The following FLACC1 variants were observed in gnomAD, a reference collection of about 807,000 sequenced individuals.
FLACC1 encodes the protein flagellum-associated coiled-coil domain-containing protein 1.
In FLACC1, 66 loss-of-function variants were observed where a neutral mutation model predicts 62.8. The ratio of observed to expected loss-of-function variants is 1.05; its 90% confidence interval spans 0.86 to 1.29. The LOEUF (loss-of-function observed/expected upper bound fraction) is 1.29, where lower values mean the gene tolerates loss of function less well. FLACC1 is among the 50% of genes most tolerant of loss of function. The pLI, the probability that FLACC1 is intolerant of heterozygous loss-of-function variation, is 0.00. For missense variants in FLACC1, 452 were observed against 489.1 expected (o/e 0.92, Z 0.71); for synonymous variants, 156 against 161.0 (o/e 0.97, Z 0.24).
intron 9 of FLACC1, among the ~76,000 whole-genome samples, chr2:201,313,952 A>G (rs62189186): frequency 0.093 from 14,189 of 152,162 alleles, 1,019 homozygotes; most frequent in South Asian, 0.26. Flanking sequence ...TCTAGATCCT[A>G]AAAAGAGATA....
intron 1 of FLACC1, among the ~76,000 whole-genome samples, chr2:201,356,399 A>G (rs951160517): frequency 6.6e-6 from 1 of 152,170 alleles, no homozygotes; most frequent in Non-Finnish European, 1.5e-5. Context: ...ACTTCAGGTG[A>G]TCCACCCATC....
intron 12 of FLACC1, among the ~76,000 whole-genome samples, chr2:201,294,970 G>A (rs1949825673): frequency 6.6e-6 from 1 of 152,148 alleles, no homozygotes; most frequent in Non-Finnish European, 1.5e-5. Flanking sequence ...CACAAGGGAT[G>A]TGAAGGACCT....
chr2:201,338,991 A>G (rs1274093916), intron 7 of FLACC1, among the ~76,000 whole-genome samples: 1 of 151,544 alleles, frequency 6.6e-6, no homozygotes, highest in East Asian at 1.9e-4. Flanking sequence ...GAGGATTACT[A>G]TTAGTTCTCC....
Position 201,288,619 on chromosome 2 carries a change from G to A in FLACC1, c.*36C>T. 2.5e-6 allele frequency: 4 copies of A among 1,605,938 alleles called. No individual in the cohort carries two copies. Among genetic ancestry groups the A allele is most frequent in the Non-Finnish European group, 3.4e-6 (4 of 1,175,218 alleles). ...TTTCCTGGGCCTACAGAAATGGTGTGCCAACCATCTTCAACAATGCAGAGC... is the reference window on the plus strand; with the variant it reads ...TTTCCTGGGCCTACAGAAATGGTGTACCAACCATCTTCAACAATGCAGAGC... On this transcript the variant is annotated 3_prime_UTR_variant, in exon 15 of 15. Transcript: ENST00000392257.
chr2:201,293,240 C>T (rs1949779157), intron 12 of FLACC1, among the ~76,000 whole-genome samples: 1 of 152,206 alleles, frequency 6.6e-6, no homozygotes, highest in African/African-American at 2.4e-5. Context: ...CACCACATCG[C>T]ACATATTCCA....
upstream of FLACC1, chr2:201,357,365 A>T (rs1951137335): frequency 6.6e-6 from 1 of 152,196 alleles, no homozygotes; most frequent in Non-Finnish European, 1.5e-5. Flanking sequence ...CCCTTGGGAG[A>T]TGGCAGGCCA....
intron 8 of FLACC1, 101 bp from the exon 9 acceptor site, chr2:201,330,623 C>T: frequency 2.0e-6 from 3 of 1,524,806 alleles, no homozygotes; most frequent in Admixed American, 1.8e-5. Flanking sequence ...ACCCCAAACT[C>T]ATCACCAAGG....
In FLACC1 at chr2:201,307,613, A is replaced by T; in HGVS notation, c.785T>A (p.Met262Lys). The change falls in exon 11 of 15, where the codon ATG becomes AAG. Residue 262 changes from methionine to lysine, a missense_variant. Met to Lys is a moderately conservative substitution (Grantham distance 95). Coordinates refer to ENST00000392257, the MANE Select transcript of FLACC1 (RefSeq NM_001127391.3). ...ENILLQQKKK[M>K]TKKFEMESGE... ...TGACTCCATTTCGAATTTTTTGGTC[A>T]TCTTTTTTTCTGTGGAAGTGACAGG... 6.2e-7 allele frequency: 1 copy of T among 1,613,044 alleles called. No individual in the cohort carries two copies. Among genetic ancestry groups the T allele is most frequent in the African/African-American group, 1.3e-5 (1 of 75,032 alleles).
rs1949642281 is a variant in FLACC1 at position 201,288,563 on chromosome 2, A to G, written c.*92T>C. 11 of 1,473,550 alleles carry G rather than the reference A, an allele frequency of 7.5e-6. No homozygotes were observed. Among genetic ancestry groups the G allele is most frequent in the Admixed American group, 4.2e-5 (2 of 48,020 alleles). The allele number at this position is 1,473,550 out of a possible 1,614,324, so 91.3% of individuals were successfully genotyped here. ...GCAACCCAAGAACTAAACTCATTAT[A>G]TGCATTTTCTCAAGAAAACCCTCCC... is the stretch of plus-strand genomic sequence containing the variant. On this transcript the variant is annotated 3_prime_UTR_variant, in exon 15 of 15. Transcript: ENST00000392257.
intron 7 of FLACC1, among the ~76,000 whole-genome samples, chr2:201,340,423 A>G (rs1356556026): frequency 6.6e-6 from 1 of 152,152 alleles, no homozygotes; most frequent in African/African-American, 2.4e-5. Context: ...TGTGGTTACC[A>G]TGACACTTAG....
intron 3 of FLACC1, among the ~76,000 whole-genome samples, chr2:201,348,993 G>A (rs1479769234): frequency 6.6e-6 from 1 of 152,140 alleles, no homozygotes; most frequent in Non-Finnish European, 1.5e-5. Context: ...CATGGGATCT[G>A]GGATAATCCA....
chr2:201,338,465 C>A (rs773848202), intron 7 of FLACC1, among the ~76,000 whole-genome samples: 1 of 152,082 alleles, frequency 6.6e-6, no homozygotes, highest in Non-Finnish European at 1.5e-5. Flanking sequence ...AAGTAGCCAT[C>A]CTTATCTTGT....
chr2:201,339,116 T>C (rs937983125), intron 7 of FLACC1, among the ~76,000 whole-genome samples: 5 of 152,182 alleles, frequency 3.3e-5, no homozygotes, highest in African/African-American at 1.2e-4. Context: ...TTGAATAATT[T>C]TCAATTTCTT....
At chr2:201,302,704 A>G (rs1291386184) in intron 11 of FLACC1, among the ~76,000 whole-genome samples, 1 of 152,216 alleles carries the variant, frequency 6.6e-6, no homozygotes, top group Non-Finnish European at 1.5e-5. Context: ...CAGCAAATGT[A>G]AAAGAACAGA....
rs999208212 is a variant in FLACC1 at position 201,326,544 on chromosome 2, A to G, written c.675+3926T>C. ...CTAACAACGACCAAGCTGAGAATCA[A>G]AAAAAGAACTGATACCCTTTTACAA... On this transcript the variant is annotated intron_variant, in intron 9 of 14. Coordinates refer to ENST00000392257, the MANE Select transcript of FLACC1 (RefSeq NM_001127391.3). The surrounding 1 kb of genome is among the most constrained non-coding windows in gnomAD (Gnocchi z 4.1). Among the ~76,000 whole-genome samples, 24 of 152,246 alleles carry G rather than the reference A, an allele frequency of 1.6e-4. No individual in the cohort carries two copies. Among genetic ancestry groups the G allele is most frequent in the African/African-American group, 5.8e-4 (24 of 41,470 alleles).
chr2:201,343,813 C>T (rs75887614), intron 6 of FLACC1, among the ~76,000 whole-genome samples: 119 of 152,330 alleles, frequency 7.8e-4, no homozygotes, highest in African/African-American at 2.7e-3. Flanking sequence ...GCGCTGGTGT[C>T]GTTAGTGAGA....
intron 5 of FLACC1, among the ~76,000 whole-genome samples, chr2:201,345,450 TTGTGTGTGTGTGTGTGTG>T (rs56229607): frequency 6.9e-6 from 1 of 144,086 alleles, no homozygotes; most frequent in East Asian, 2.0e-4. Context: ...AGGTAGATGA[TTGTGTGTGTGTGTGTGTG>T]TGTGTGTGTG....
chr2:201,293,815 C>T (rs948072048), intron 12 of FLACC1, among the ~76,000 whole-genome samples: 25 of 116,560 alleles, frequency 2.1e-4, no homozygotes, highest in African/African-American at 3.1e-4. Flanking sequence ...ATCAAATAGA[C>T]GCAAAAAAAA....
At chr2:201,325,538 C>T (rs576930731) in intron 9 of FLACC1, among the ~76,000 whole-genome samples, 11 of 152,146 alleles carry the variant, frequency 7.2e-5, no homozygotes, top group South Asian at 2.1e-4. Flanking sequence ...CTACTATGAA[C>T]GCCTTTTTGC....
Sources: gnomAD v4.1 joint callset for allele counts (sites outside exome capture counted in the v4.1 genomes callset) on GRCh38, gnomAD v4.1.1 for gene constraint, Gnocchi (gnomAD v3.1) non-coding constraint, MANE v1.5 for transcripts, NCBI Gene and HGNC (gene_info 2026-07-23, HGNC 2026-07-21) for gene names.